XPNPEP1: variants seen among roughly 807,000 people sequenced by gnomAD.
The protein encoded by XPNPEP1 is xaa-Pro aminopeptidase 1.
XPNPEP1 carries 39 observed loss-of-function variants against 92.4 expected under a neutral mutation model. The observed-to-expected ratio is 0.42, with a 90% CI of 0.33 to 0.55. XPNPEP1 has a LOEUF of 0.55. XPNPEP1 is among the 20% of genes least tolerant of loss of function. The probability of loss-of-function intolerance (pLI) is 0.08; values close to 1 mark genes in which losing one functional copy is unlikely to be tolerated. For synonymous variants in XPNPEP1, 307 were observed against 299.4 expected (o/e 1.03, Z -0.26); for missense variants, 654 against 856.1 (o/e 0.76, Z 2.95).
At chr10:109,871,683 G>GA in intron 17 of XPNPEP1, 109 bp downstream of exon 17, 1 of 1,281,364 alleles carries the variant, frequency 7.8e-7, no homozygotes. Flanking sequence ...CCTGAAGTGG[G>GA]ATGGGGACCT....
chr10:109,896,472 C>T (rs1324775091), intron 3 of XPNPEP1, among the ~76,000 whole-genome samples: 2 of 144,040 alleles, frequency 1.4e-5, no homozygotes, highest in Admixed American at 1.4e-4. Context: ...GGTTTTACCA[C>T]GTTGCCAGGC....
In XPNPEP1 at chr10:109,875,717, T is replaced by C. The variant is rs115512962; in HGVS notation, c.1320-118A>G. 226 of 725,062 alleles carry C rather than the reference T, an allele frequency of 3.1e-4. No individual in the cohort carries two copies. The African/African-American group carries it at 3.7e-3, about 12-fold the overall frequency. 44.9% of individuals were successfully genotyped at this position (725,062 alleles called of 1,614,324 possible). A position where few individuals can be genotyped will look rare whatever the true frequency, so the allele number is the denominator to read the frequency against. On this transcript the variant is annotated intron_variant, in intron 14 of 20. Coordinates refer to ENST00000502935, the MANE Select transcript of XPNPEP1 (RefSeq NM_020383.4). ...TGCAACTTACATAAGCCTGAAATTA[T>C]ATCAAAATAGAAAGTTATGCAATAA...
Position 109,884,812 on chromosome 10 carries a change from G to A in XPNPEP1, c.749-664C>T, listed in dbSNP as rs575295536. On this transcript the variant is annotated intron_variant, in intron 8 of 20. Coordinates refer to ENST00000502935, the MANE Select transcript of XPNPEP1 (RefSeq NM_020383.4). Reference sequence around the variant, plus strand: ...GAACGTCTGAGAACTAGACAGACCAGGAGAGAGCACAGTTCTGGTCCCAGG... The same window carrying A: ...GAACGTCTGAGAACTAGACAGACCAAGAGAGAGCACAGTTCTGGTCCCAGG... Among the ~76,000 whole-genome samples the A allele has an allele frequency of 4.6e-5, 7 of 152,344 alleles. No individual in the cohort carries two copies. In the South Asian group the frequency reaches 1.5e-3, roughly 32 times the overall value.
chr10:109,873,284 CTT>C, intron 16 of XPNPEP1, 81 bp downstream of exon 16: 1 of 1,552,272 alleles, frequency 6.4e-7, no homozygotes, highest in South Asian at 1.1e-5. Flanking sequence ...ATTTTTACTT[CTT>C]TATACAATCC....
chr10:109,888,467 T>A (rs760676585), intron 6 of XPNPEP1, 36 bp downstream of exon 6: 1 of 1,575,532 alleles, frequency 6.3e-7, no homozygotes, highest in Admixed American at 1.8e-5. Context: ...AGAAGCCACT[T>A]CCTTACCCAA....
intron 12 of XPNPEP1, 48 bp downstream of exon 12, chr10:109,880,140 G>A (rs773765402): frequency 2.5e-6 from 4 of 1,569,188 alleles, no homozygotes; most frequent in South Asian, 1.1e-5. Flanking sequence ...CATATAGGTA[G>A]GTCTGAATAA....
rs964494253 is a variant in XPNPEP1 at position 109,886,412 on chromosome 10, T to C, written c.653-71A>G. On this transcript the variant is annotated intron_variant, in intron 7 of 20. Coordinates refer to ENST00000502935, the MANE Select transcript of XPNPEP1 (RefSeq NM_020383.4). ...GCAGTAGGAACCCAGTGAAAGAACC[T>C]ACCCTAAACATCTTTAATCAGCACC... The C allele has an allele frequency of 3.7e-5, 51 of 1,384,008 alleles. No individual in the cohort carries two copies. In the African/African-American group the frequency reaches 6.4e-4, roughly 17 times the overall value. The allele number at this position is 1,384,008 out of a possible 1,614,324, so 85.7% of individuals were successfully genotyped here. A position where few individuals can be genotyped will look rare whatever the true frequency, so the allele number is the denominator to read the frequency against.
At chr10:109,919,217 G>A (rs1392036888) in intron 1 of XPNPEP1, among the ~76,000 whole-genome samples, 1 of 152,182 alleles carries the variant, frequency 6.6e-6, no homozygotes, top group African/African-American at 2.4e-5. Context: ...CACAGAATGG[G>A]AGAAAACATC....
chr10:109,923,078 G>C (rs149480301), intron 1 of XPNPEP1: 16 of 839,188 alleles, frequency 1.9e-5, no homozygotes, highest in African/African-American at 3.7e-5. Context: ...CTCCAAGAAC[G>C]GGGCCTTCCC....
intron 5 of XPNPEP1, among the ~76,000 whole-genome samples, chr10:109,890,130 G>C (rs1050647909): frequency 6.6e-6 from 1 of 152,148 alleles, no homozygotes; most frequent in Non-Finnish European, 1.5e-5. Context: ...AGGAAACTAG[G>C]AAGGAGCCTG....
intron 15 of XPNPEP1, among the ~76,000 whole-genome samples, chr10:109,874,345 C>G (rs1847654668): frequency 6.6e-6 from 1 of 152,126 alleles, no homozygotes; most frequent in Admixed American, 6.5e-5. Context: ...GGGCCAAAAC[C>G]CAACTTCTCC....
chr10:109,877,014 G>T (rs1050043835), intron 14 of XPNPEP1: 1 of 152,266 alleles, frequency 6.6e-6, no homozygotes, highest in Non-Finnish European at 1.5e-5. Context: ...GGCTCAGGGG[G>T]ACAGGAAGAG....
intron 1 of XPNPEP1, among the ~76,000 whole-genome samples, chr10:109,921,195 C>T (rs946678903): frequency 4.0e-4 from 61 of 152,216 alleles, no homozygotes; most frequent in African/African-American, 1.4e-3. Context: ...ACCTCAGGGA[C>T]TATCCAACTC....
At position 109,880,991 on chromosome 10, in the gene XPNPEP1, GC is replaced by G. The variant is rs1848062842; in HGVS notation, c.1042-61del. 8.6e-6 allele frequency: 13 copies of G among 1,510,292 alleles called. No individual in the cohort carries two copies. In the South Asian group the frequency reaches 1.2e-4, roughly 14 times the overall value. 93.6% of individuals were successfully genotyped at this position (1,510,292 alleles called of 1,614,324 possible). On this transcript the variant is annotated intron_variant, in intron 10 of 20. Transcript: ENST00000502935. The stretch of plus-strand genomic sequence containing the variant: ...CCGGCTCCACCCACCCAAGACCAAG[GC>G]AACAACCTTTTTGCTCAGCAAAACT...
At chr10:109,866,762 G>T (rs1230718115) in intron 20 of XPNPEP1, among the ~76,000 whole-genome samples, 1 of 152,188 alleles carries the variant, frequency 6.6e-6, no homozygotes, top group Non-Finnish European at 1.5e-5. Flanking sequence ...ATAGTAAAGG[G>T]CAAATGACCA....
intron 3 of XPNPEP1, among the ~76,000 whole-genome samples, chr10:109,903,279 G>C (rs927936849): frequency 6.6e-6 from 1 of 152,184 alleles, no homozygotes; most frequent in East Asian, 1.9e-4. Context: ...TCTGTACACT[G>C]AGGCCTCCCC....
intron 12 of XPNPEP1, among the ~76,000 whole-genome samples, chr10:109,879,221 G>A (rs1404667464): frequency 2.0e-5 from 3 of 151,402 alleles, no homozygotes; most frequent in South Asian, 2.1e-4. Flanking sequence ...CAGCCTGGGC[G>A]ATGGAGCAAG....
chr10:109,878,048 C>T lies in XPNPEP1; in HGVS notation c.1193G>A (p.Gly398Asp). ...FNWLEKEVPK[G>D]GVTEISAADK... Reference sequence around the variant, plus strand: ...AGCAGCTGAGATCTCTGTCACACCACCTTTGGGAACCTATGAGAAAATTGC... The same window carrying T: ...AGCAGCTGAGATCTCTGTCACACCATCTTTGGGAACCTATGAGAAAATTGC... The change falls in exon 13 of 21, where the codon GGT (glycine) becomes GAT (aspartate). Residue 398 changes from glycine to aspartate, a missense_variant. Physicochemically the swap from Gly to Asp is moderately conservative, Grantham distance 94. Coordinates refer to ENST00000502935, the MANE Select transcript of XPNPEP1 (RefSeq NM_020383.4). 1 of 1,614,244 alleles carries T rather than the reference C, an allele frequency of 6.2e-7. No individual in the cohort carries two copies. Among genetic ancestry groups the T allele is most frequent in the Non-Finnish European group, 8.5e-7 (1 of 1,180,040 alleles).
intron 3 of XPNPEP1, 41 bp from the exon 4 acceptor site, chr10:109,893,116 C>G: frequency 6.3e-7 from 1 of 1,580,456 alleles, no homozygotes; most frequent in Middle Eastern, 1.7e-4. Flanking sequence ...CTCGATCAGT[C>G]ATGAGCAGAC....
Sources: gnomAD v4.1 joint callset for allele counts (sites outside exome capture counted in the v4.1 genomes callset) on GRCh38, gnomAD v4.1.1 for gene constraint, MANE v1.5 for transcripts, NCBI Gene and HGNC (gene_info 2026-07-23, HGNC 2026-07-21) for gene names.